UPK2: variants seen among roughly 807,000 people sequenced by gnomAD.
UPK2 encodes uroplakin-2.
UPK2 carries 19 observed loss-of-function variants against 14.8 expected under a neutral mutation model. The observed-to-expected ratio is 1.29, with a 90% CI of 0.90 to 1.89. The LOEUF (loss-of-function observed/expected upper bound fraction) is 1.89, where lower values mean the gene tolerates loss of function less well. Ranked by LOEUF, UPK2 falls within the 40% of genes most tolerant of loss-of-function variation. The pLI, the probability that UPK2 is intolerant of heterozygous loss-of-function variation, is 0.00. For missense variants in UPK2, 232 were observed against 236.0 expected, an observed-to-expected ratio of 0.98 and a Z score of 0.11; for synonymous variants, 102 against 101.6, an observed-to-expected ratio of 1.00 and a Z score of -0.02.
In UPK2 at chr11:118,958,040, C is replaced by A. The variant is rs955476788; in HGVS notation, c.419-57C>A. ...GGCTGGATGAGTGTGAGGCCGTGAG[C>A]CTCAGGCAGGCTGGGGGTCTCTCCC... On this transcript the variant is annotated intron_variant, in intron 4 of 4. Coordinates refer to ENST00000264031, the MANE Select transcript of UPK2 (RefSeq NM_006760.4). This position sits in a 1 kb window ranked among gnomAD's most constrained non-coding sequence, Gnocchi z 4.6. The A allele has an allele frequency of 2.2e-5, 34 of 1,562,968 alleles. No individual in the cohort carries two copies. In the Middle Eastern group the frequency reaches 1.0e-3, roughly 47 times the overall value.
chr11:118,957,235 C>T lies in UPK2; in HGVS notation c.236C>T (p.Pro79Leu), dbSNP rs190095214. Residue 79 changes from proline to leucine, a missense_variant, in exon 3 of 5, where the codon CCG becomes CTG. By Grantham distance (98) the Pro-to-Leu change is moderately conservative. Transcript: ENST00000264031. ...GTGACGTCCAGCTTTGTGGTGCCTCCGTGCCGTGGGCGCAGGGAACTGGTG... is the reference window on the plus strand; with the variant it reads ...GTGACGTCCAGCTTTGTGGTGCCTCTGTGCCGTGGGCGCAGGGAACTGGTG... ...KVVTSSFVVP[P>L]CRGRRELVSV... The T allele has an allele frequency of 3.3e-5, 53 of 1,614,140 alleles. No homozygotes were observed. In the African/African-American group the frequency reaches 3.7e-4, roughly 11 times the overall value.
chr11:118,958,297 A>T lies in UPK2; in HGVS notation c.*64A>T. 1 of 1,525,032 alleles carries T rather than the reference A, an allele frequency of 6.6e-7. No homozygotes were observed. The highest frequency in any genetic ancestry group is 2.3e-5 in the East Asian group (1 of 42,806). The allele number at this position is 1,525,032 out of a possible 1,614,324, so 94.5% of individuals were successfully genotyped here. A position where few individuals can be genotyped will look rare whatever the true frequency, so the allele number is the denominator to read the frequency against. On this transcript the variant is annotated 3_prime_UTR_variant, in exon 5 of 5. Coordinates refer to ENST00000264031, the MANE Select transcript of UPK2 (RefSeq NM_006760.4). The surrounding 1 kb of genome is among the most constrained non-coding windows in gnomAD (Gnocchi z 4.6). ...AGGGCACCATCCAGCTCCCCAGCCC[A>T]CCTGCTCCCAGGCCCCAGGCCTGTG...
chr11:118,956,555 T>C lies in UPK2; in HGVS notation c.76+129T>C. On this transcript the variant is annotated intron_variant, in intron 1 of 4. Coordinates refer to ENST00000264031, the MANE Select transcript of UPK2 (RefSeq NM_006760.4). This position sits in a 1 kb window ranked among gnomAD's most constrained non-coding sequence, Gnocchi z 4.1. ...AGGGCTGGTGATGGCAGTGACTGGG[T>C]ATCAGACACTGGGCTCAGGGTACAC... 2.5e-6 allele frequency: 2 copies of C among 789,224 alleles called. No homozygotes were observed. The highest frequency in any genetic ancestry group is 2.1e-5 in the Admixed American group (1 of 46,616). The allele number at this position is 789,224 out of a possible 1,614,324, so 48.9% of individuals were successfully genotyped here.
intron 4 of UPK2, 100 bp downstream of exon 4, chr11:118,957,768 G>A (rs1941576438): frequency 1.1e-5 from 16 of 1,438,236 alleles, no homozygotes; most frequent in African/African-American, 2.8e-5. Context: ...GTGCCTCCCC[G>A]TGCGCCCTCG....
rs1035847208 is a variant in UPK2, at chr11:118,958,297, A to G, written c.*64A>G. ...AGGGCACCATCCAGCTCCCCAGCCC[A>G]CCTGCTCCCAGGCCCCAGGCCTGTG... On this transcript the variant is annotated 3_prime_UTR_variant, in exon 5 of 5. Coordinates refer to ENST00000264031, the MANE Select transcript of UPK2 (RefSeq NM_006760.4). The surrounding 1 kb of genome is among the most constrained non-coding windows in gnomAD (Gnocchi z 4.6). The G allele has an allele frequency of 1.3e-6, 2 of 1,525,032 alleles. No individual in the cohort carries two copies. The highest frequency in any genetic ancestry group is 1.8e-6 in the Non-Finnish European group (2 of 1,137,744). The allele number at this position is 1,525,032 out of a possible 1,614,324, so 94.5% of individuals were successfully genotyped here.
rs150689610 is a variant in UPK2 at position 118,957,647 on chromosome 11, A to T, written c.397A>T (p.Ile133Phe). 1.2e-6 allele frequency: 2 copies of T among 1,614,090 alleles called. No homozygotes were observed. Among genetic ancestry groups the T allele is most frequent in the Non-Finnish European group, 1.7e-6 (2 of 1,179,998 alleles). Residue 133 changes from isoleucine to phenylalanine, a missense_variant, in exon 4 of 5, where the codon ATC becomes TTC. Ile to Phe is a conservative substitution (Grantham distance 21). Transcript: ENST00000264031. ...KGTATESSRE[I>F]PMSTLPRRNM... Reference sequence around the variant, plus strand: ...GACAGCCACTGAGTCCAGCAGAGAGATCCCAATGTCCACACTCCCTCGTAA... The same window carrying T: ...GACAGCCACTGAGTCCAGCAGAGAGTTCCCAATGTCCACACTCCCTCGTAA...
At position 118,958,025 on chromosome 11, in the gene UPK2, G is replaced by C. The variant is rs1941578607; in HGVS notation, c.419-72G>C. 1.3e-5 allele frequency: 20 copies of C among 1,548,266 alleles called. No homozygotes were observed. Among genetic ancestry groups the C allele is most frequent in the Non-Finnish European group, 1.7e-5 (20 of 1,143,478 alleles). On this transcript the variant is annotated intron_variant, in intron 4 of 4. Coordinates refer to ENST00000264031, the MANE Select transcript of UPK2 (RefSeq NM_006760.4). This position sits in a 1 kb window ranked among gnomAD's most constrained non-coding sequence, Gnocchi z 4.6. Reference sequence around the variant, plus strand: ...GTTGGGCAGTCTGTTGGCTGGATGAGTGTGAGGCCGTGAGCCTCAGGCAGG... The same window carrying C: ...GTTGGGCAGTCTGTTGGCTGGATGACTGTGAGGCCGTGAGCCTCAGGCAGG...
At position 118,958,028 on chromosome 11, in the gene UPK2, T is replaced by A. The variant is rs1278611900; in HGVS notation, c.419-69T>A. 13 of 1,549,846 alleles carry A rather than the reference T, an allele frequency of 8.4e-6. No homozygotes were observed. Among genetic ancestry groups the A allele is most frequent in the Non-Finnish European group, 1.1e-5 (13 of 1,144,370 alleles). ...GGGCAGTCTGTTGGCTGGATGAGTGTGAGGCCGTGAGCCTCAGGCAGGCTG... is the reference window on the plus strand; with the variant it reads ...GGGCAGTCTGTTGGCTGGATGAGTGAGAGGCCGTGAGCCTCAGGCAGGCTG... On this transcript the variant is annotated intron_variant, in intron 4 of 4. Transcript: ENST00000264031. The surrounding 1 kb of genome is among the most constrained non-coding windows in gnomAD (Gnocchi z 4.6).
At chr11:118,957,472 G>A in intron 3 of UPK2, 126 bp downstream of exon 3, 1 of 1,547,818 alleles carries the variant, frequency 6.5e-7, no homozygotes, top group South Asian at 1.2e-5. Context: ...GTGAAAGCTG[G>A]GCCTCTTGGA....
rs1941578771 is a variant in UPK2, at chr11:118,958,036, T to G, written c.419-61T>G. 1 of 1,556,664 alleles carries G rather than the reference T, an allele frequency of 6.4e-7. No individual in the cohort carries two copies. The highest frequency in any genetic ancestry group is 8.7e-7 in the Non-Finnish European group (1 of 1,146,588). On this transcript the variant is annotated intron_variant, in intron 4 of 4. Transcript: ENST00000264031. This position sits in a 1 kb window ranked among gnomAD's most constrained non-coding sequence, Gnocchi z 4.6. ...TGTTGGCTGGATGAGTGTGAGGCCG[T>G]GAGCCTCAGGCAGGCTGGGGGTCTC...
chr11:118,957,987 G>C, intron 4 of UPK2, 110 bp from the exon 5 acceptor site: 1 of 1,478,482 alleles, frequency 6.8e-7, no homozygotes, highest in Non-Finnish European at 9.1e-7. Context: ...CTGGCTGGCT[G>C]GCTGGCTGGT....
rs2134467545 is a variant in UPK2, at chr11:118,957,258, G to C, written c.259G>C (p.Val87Leu). Residue 87 changes from valine (V) to leucine (L), a missense_variant, in exon 3 of 5, where the codon GTG (valine) becomes CTG (leucine). Val to Leu is a conservative substitution (Grantham distance 32, BLOSUM62 1). Transcript: ENST00000264031. ...TCCGTGCCGTGGGCGCAGGGAACTG[G>C]TGAGTGTGGTGGACAGTGGTGCTGG... ...VPPCRGRREL[V>L]SVVDSGAGFT... 2 of 1,614,154 alleles carry C rather than the reference G, an allele frequency of 1.2e-6. No homozygotes were observed. Among genetic ancestry groups the C allele is most frequent in the East Asian group, 4.5e-5 (2 of 44,880 alleles).
rs1189427254 is a variant in UPK2 at position 118,957,213 on chromosome 11, A to T, written c.214A>T (p.Thr72Ser). ...CTCCCGCCACTTCTGCCCAGTGGTG[A>T]CGTCCAGCTTTGTGGTGCCTCCGTG... is the stretch of plus-strand genomic sequence containing the variant. ...VRRANDSKVV[T>S]SSFVVPPCRG... The change falls in exon 3 of 5, where the codon ACG becomes TCG. Residue 72 changes from threonine (T) to serine (S), a missense_variant. Transcript: ENST00000264031. 6.2e-7 allele frequency: 1 copy of T among 1,614,032 alleles called. No individual in the cohort carries two copies. The highest frequency in any genetic ancestry group is 8.5e-7 in the Non-Finnish European group (1 of 1,179,972).
At position 118,957,369 on chromosome 11, in the gene UPK2, G is replaced by A. The variant is rs371260940; in HGVS notation, c.347+23G>A. 2.4e-5 allele frequency: 38 copies of A among 1,611,792 alleles called. No individual in the cohort carries two copies. In the Admixed American group the frequency reaches 6.0e-4, roughly 26 times the overall value. ...CTAGTAGGTACTGGGTCCAGCCTGA[G>A]GCACCTAGGGAAGGGGGTGCAGGAA... is the stretch of plus-strand genomic sequence containing the variant. On this transcript the variant is annotated intron_variant, in intron 3 of 4. Transcript: ENST00000264031.
At chr11:118,957,993 CTGGT>C (rs1941578280) in intron 4 of UPK2, 100 bp from the exon 5 acceptor site, 12 of 1,441,896 alleles carry the variant, frequency 8.3e-6, no homozygotes, top group Middle Eastern at 1.9e-4. Context: ...GGCTGGCTGG[CTGGT>C]TGGTTGGGCA....
chr11:118,957,704 C>T (rs368088594), intron 4 of UPK2, 36 bp downstream of exon 4: 34 of 1,609,962 alleles, frequency 2.1e-5, no homozygotes, highest in East Asian at 6.7e-5. Flanking sequence ...CCCATCTCAG[C>T]GGCCACAAAC....
chr11:118,956,749 C>T lies in UPK2; in HGVS notation c.77-134C>T. The T allele has an allele frequency of 8.0e-7, 1 of 1,242,426 alleles. No homozygotes were observed. 77.0% of individuals were successfully genotyped at this position (1,242,426 alleles called of 1,614,324 possible). On this transcript the variant is annotated intron_variant, in intron 1 of 4. Coordinates refer to ENST00000264031, the MANE Select transcript of UPK2 (RefSeq NM_006760.4). This position sits in a 1 kb window ranked among gnomAD's most constrained non-coding sequence, Gnocchi z 4.1. ...CAGCCCAAGCCTGCCACCTGGTGGTCATACTGGCACAGGCCTGGCTGTTCT... is the reference window on the plus strand; with the variant it reads ...CAGCCCAAGCCTGCCACCTGGTGGTTATACTGGCACAGGCCTGGCTGTTCT...
Position 118,957,231 on chromosome 11 carries a change from C to T in UPK2, c.232C>T (p.Pro78Ser), listed in dbSNP as rs1465426555. The change falls in exon 3 of 5, where the codon CCT (proline) becomes TCT (serine). Residue 78 changes from proline to serine, a missense_variant. By Grantham distance (74) the Pro-to-Ser change is moderately conservative (BLOSUM62 -1). Transcript: ENST00000264031. ...AGTGGTGACGTCCAGCTTTGTGGTG[C>T]CTCCGTGCCGTGGGCGCAGGGAACT... ...SKVVTSSFVV[P>S]PCRGRRELVS... 1 of 1,614,128 alleles carries T rather than the reference C, an allele frequency of 6.2e-7. No individual in the cohort carries two copies. Among genetic ancestry groups the T allele is most frequent in the Non-Finnish European group, 8.5e-7 (1 of 1,180,044 alleles).
chr11:118,957,904 G>A (rs1322587913), intron 4 of UPK2, among the ~76,000 whole-genome samples, 193 bp from the exon 5 acceptor site: 3 of 152,194 alleles, frequency 2.0e-5, no homozygotes, highest in African/African-American at 7.2e-5. Flanking sequence ...CATAGGAGAT[G>A]CTTCATAAAT....
Sources: allele counts gnomAD v4.1 joint callset (sites outside exome capture counted in the v4.1 genomes callset), GRCh38; gene constraint gnomAD v4.1.1; non-coding constraint Gnocchi (gnomAD v3.1); transcripts MANE v1.5; gene names NCBI Gene and HGNC (gene_info 2026-07-23, HGNC 2026-07-21).